The following LRRC56 variants were observed in gnomAD, a reference collection of about 807,000 sequenced individuals.
LRRC56 encodes the protein leucine rich repeat containing 56, also known as leucine-rich repeat-containing protein 56.
LRRC56 carries 41 observed loss-of-function variants against 47.8 expected under a neutral mutation model. The observed-to-expected ratio is 0.86, with a 90% CI of 0.67 to 1.11. LRRC56 has a LOEUF of 1.11. Among genes scored for constraint, LRRC56 ranks in the 50% most tolerant of loss-of-function variants. The pLI, the probability that LRRC56 is intolerant of heterozygous loss-of-function variation, is 0.00. For missense variants in LRRC56, 759 were observed against 704.2 expected (o/e 1.08, Z -0.88); for synonymous variants, 387 against 311.2 (o/e 1.24, Z -2.56).
chr11:532,509 G>T, the LRRC56 span: 1 of 1,316,170 alleles, frequency 7.6e-7, no homozygotes, highest in African/African-American at 1.5e-5. Context: ...GCACCTCCAT[G>T]TCCTGAGCTT....
upstream of LRRC56, among the ~76,000 whole-genome samples, chr11:534,848 C>T (rs1851361186): frequency 6.6e-6 from 1 of 152,184 alleles, no homozygotes; most frequent in South Asian, 2.1e-4. Flanking sequence ...TAGGCGCCGC[C>T]GAGGGGAGGG....
intron 8 of LRRC56, 77 bp downstream of exon 8, chr11:550,349 C>G: frequency 7.3e-7 from 1 of 1,376,510 alleles, no homozygotes; most frequent in Non-Finnish European, 9.7e-7. Flanking sequence ...GGGGCCCCTC[C>G]TCTGGCCAGG....
chr11:541,721 C>T lies in LRRC56; in HGVS notation c.265+97C>T, dbSNP rs570001928. Reference sequence around the variant, plus strand: ...GTTATGACGACAAAGCTGTCCTCACCTCTCGGGCCGCGTATCGGCTTCCTT... The same window carrying T: ...GTTATGACGACAAAGCTGTCCTCACTTCTCGGGCCGCGTATCGGCTTCCTT... On this transcript the variant is annotated intron_variant, in intron 5 of 13. Transcript: ENST00000270115. The surrounding 1 kb of genome is among the most constrained non-coding windows in gnomAD (Gnocchi z 4.1). The T allele has an allele frequency of 1.2e-5, 9 of 766,660 alleles. No homozygotes were observed. Among genetic ancestry groups the T allele is most frequent in the South Asian group, 4.1e-5 (2 of 48,594 alleles). The allele number at this position is 766,660 out of a possible 1,614,324, so 47.5% of individuals were successfully genotyped here.
At chr11:546,087 A>G (rs756010458) in intron 6 of LRRC56, among the ~76,000 whole-genome samples, 1 of 152,032 alleles carries the variant, frequency 6.6e-6, no homozygotes, top group Non-Finnish European at 1.5e-5. Context: ...CCTGACCAAC[A>G]TGGAGAAATC....
intron 3 of LRRC56, among the ~76,000 whole-genome samples, chr11:540,253 TGGA>T (rs1851727166): frequency 6.6e-6 from 1 of 151,870 alleles, no homozygotes. Context: ...GACCATCAGG[TGGA>T]GAAGGACCCA....
At chr11:512,044 A>G in the LRRC56 span, among the ~76,000 whole-genome samples, 4 of 150,498 alleles carry the variant, frequency 2.7e-5, no homozygotes, top group African/African-American at 9.8e-5. Context: ...CCTGGCCTCA[A>G]GTGATTCTTC....
chr11:525,465 G>A, the LRRC56 span, among the ~76,000 whole-genome samples: 2 of 151,898 alleles, frequency 1.3e-5, no homozygotes, highest in African/African-American at 4.8e-5. Flanking sequence ...CGTGAACCCA[G>A]TAGGCGGAGC....
At chr11:528,999 C>T in the LRRC56 span, 2 of 152,294 alleles carry the variant, frequency 1.3e-5, no homozygotes, top group African/African-American at 4.8e-5. Context: ...TGGTGACAGT[C>T]ACTAACAGGT....
chr11:507,914 T>G, the LRRC56 span, among the ~76,000 whole-genome samples: 16 of 152,246 alleles, frequency 1.1e-4, no homozygotes. Context: ...GAGCTGCTCC[T>G]GCGTCCACTC....
chr11:525,428 A>G, the LRRC56 span, among the ~76,000 whole-genome samples: 4,420 of 151,886 alleles, frequency 0.029, 94 homozygotes, highest in African/African-American at 0.058. Context: ...AGTCCCAGCT[A>G]CTCGGGAGGC....
rs1564811675 is a variant in LRRC56, at chr11:554,803, C to T, written c.*527C>T. On this transcript the variant is annotated 3_prime_UTR_variant, in exon 14 of 14. Transcript: ENST00000270115. ...ACTGCGATAGGGCGGCCCGTTCCCTCCTCTTGGCGCAGGACGCCCCGGAAC... is the reference window on the plus strand; with the variant it reads ...ACTGCGATAGGGCGGCCCGTTCCCTTCTCTTGGCGCAGGACGCCCCGGAAC... 5.5e-6 allele frequency: 3 copies of T among 541,790 alleles called. No homozygotes were observed. The highest frequency in any genetic ancestry group is 6.3e-6 in the Non-Finnish European group (2 of 315,448). 33.6% of individuals were successfully genotyped at this position (541,790 alleles called of 1,614,324 possible).
chr11:522,132 G>C, the LRRC56 span, among the ~76,000 whole-genome samples: 33,332 of 151,988 alleles, frequency 0.22, 4,039 homozygotes, highest in African/African-American at 0.33. Flanking sequence ...GCAGGCTGGA[G>C]TGCAGTGGTA....
At chr11:531,227 G>A in the LRRC56 span, among the ~76,000 whole-genome samples, 8 of 152,064 alleles carry the variant, frequency 5.3e-5, no homozygotes, top group South Asian at 2.1e-4. Context: ...CTGGACAAAA[G>A]GGGGAGTGTC....
At chr11:528,252 G>C in the LRRC56 span, among the ~76,000 whole-genome samples, 1 of 152,228 alleles carries the variant, frequency 6.6e-6, no homozygotes, top group Middle Eastern at 3.2e-3. Context: ...TCACTCCATC[G>C]TAAGGAGGCA....
At chr11:536,344 T>C (rs1851493773), upstream of LRRC56, among the ~76,000 whole-genome samples, 1 of 152,278 alleles carries the variant, frequency 6.6e-6, no homozygotes, top group African/African-American at 2.4e-5. Context: ...ACCCACAAGT[T>C]GCCACAGGGG....
upstream of LRRC56, chr11:534,024 T>TCTCATGCCC: frequency 6.8e-7 from 1 of 1,475,480 alleles, no homozygotes; most frequent in Non-Finnish European, 9.4e-7. Flanking sequence ...CCCTGGTACC[T>TCTCATGCCC]CTCATGCCCC....
the LRRC56 span, among the ~76,000 whole-genome samples, chr11:509,416 C>T: frequency 2.0e-5 from 3 of 152,226 alleles, no homozygotes; most frequent in Non-Finnish European, 4.4e-5. Flanking sequence ...GGCTGTTGGG[C>T]TCCCTTTTGT....
At chr11:529,191 G>A in the LRRC56 span, 2 of 152,290 alleles carry the variant, frequency 1.3e-5, no homozygotes, top group African/African-American at 4.8e-5. Context: ...AGACGGACCC[G>A]ACCTTCCTTG....
At chr11:511,096 C>T in the LRRC56 span, among the ~76,000 whole-genome samples, 23 of 151,870 alleles carry the variant, frequency 1.5e-4, no homozygotes, top group East Asian at 5.8e-4. Context: ...CCGAGGCGGG[C>T]GGATCACAAG....
Sources: gnomAD v4.1 joint callset for allele counts (sites outside exome capture counted in the v4.1 genomes callset) on GRCh38, gnomAD v4.1.1 for gene constraint, Gnocchi (gnomAD v3.1) non-coding constraint, MANE v1.5 for transcripts, NCBI Gene and HGNC (gene_info 2026-07-23, HGNC 2026-07-21) for gene names.